The following PKP4 variants were observed in gnomAD, a reference collection of about 807,000 sequenced individuals.
The protein encoded by PKP4 is plakophilin-4.
Under a neutral mutation model 145.1 loss-of-function variants are expected in PKP4, and 90 were observed. That is an observed-to-expected ratio of 0.62 (90% CI 0.52 to 0.74). PKP4 has a LOEUF of 0.74. Among genes scored for constraint, PKP4 ranks in the 30% least tolerant of loss-of-function variants. PKP4 has a pLI of 0.00. For synonymous variants in PKP4, 563 were observed against 577.2 expected, an observed-to-expected ratio of 0.98 and a Z score of 0.35; for missense variants, 1,340 against 1,482.7, an observed-to-expected ratio of 0.90 and a Z score of 1.58.
intron 11 of PKP4, among the ~76,000 whole-genome samples, chr2:158,644,166 G>A (rs1574934480): frequency 6.6e-6 from 1 of 152,224 alleles, no homozygotes; most frequent in East Asian, 1.9e-4. Context: ...CGTTCTTCCA[G>A]CAGGCAGCAG....
intron 4 of PKP4, among the ~76,000 whole-genome samples, chr2:158,610,424 G>A (rs577617033): frequency 9.9e-5 from 15 of 152,164 alleles, no homozygotes; most frequent in African/African-American, 3.4e-4. Flanking sequence ...TAGAATAATA[G>A]GTAAAGGGTG....
At chr2:158,473,038 T>G (rs950167981) in intron 1 of PKP4, among the ~76,000 whole-genome samples, 4 of 152,078 alleles carry the variant, frequency 2.6e-5, no homozygotes, top group South Asian at 2.1e-4. Flanking sequence ...ATCCATGTGG[T>G]CAACAAGCAC....
rs114569168 is a variant in PKP4, at chr2:158,560,803, A to G, written c.133-16468A>G. Among the ~76,000 whole-genome samples the G allele has an allele frequency of 2.6e-3, 401 of 152,344 alleles. 1 individual carries two copies. Among genetic ancestry groups the G allele is most frequent in the Middle Eastern group, 0.01 (3 of 294 alleles). The stretch of plus-strand genomic sequence containing the variant: ...GGTTGTTACTCCCATTTTACAAGTG[A>G]TTAAACTGGGGTTTACAGATGTTTA... On this transcript the variant is annotated intron_variant, in intron 2 of 21. Coordinates refer to ENST00000389759, the MANE Select transcript of PKP4 (RefSeq NM_003628.6).
At chr2:158,640,874 A>T in intron 10 of PKP4, 115 bp downstream of exon 10, 1 of 1,065,646 alleles carries the variant, frequency 9.4e-7, no homozygotes, top group Non-Finnish European at 1.4e-6. Flanking sequence ...TTTTAAAGGG[A>T]TATTTTGATA....
intron 12 of PKP4, chr2:158,660,319 T>G (rs1251111558): frequency 6.6e-6 from 1 of 152,590 alleles, no homozygotes; most frequent in Non-Finnish European, 1.5e-5. Flanking sequence ...TATGGCCCTG[T>G]GTCCATAGGT....
intron 2 of PKP4, among the ~76,000 whole-genome samples, chr2:158,550,513 A>G (rs558279937): frequency 3.9e-5 from 6 of 152,318 alleles, no homozygotes; most frequent in African/African-American, 1.2e-4. Flanking sequence ...CCCAACAAGC[A>G]CTTTACCACC....
intron 2 of PKP4, among the ~76,000 whole-genome samples, chr2:158,574,997 A>G (rs1286256395): frequency 2.0e-5 from 3 of 152,262 alleles, no homozygotes; most frequent in Non-Finnish European, 4.4e-5. Flanking sequence ...TACAGAAACT[A>G]ACATGGCTAA....
intron 1 of PKP4, among the ~76,000 whole-genome samples, chr2:158,491,447 A>G (rs940684782): frequency 2.0e-5 from 3 of 152,066 alleles, no homozygotes; most frequent in Non-Finnish European, 4.4e-5. Context: ...TTCTCTGACT[A>G]CTTATGAACT....
intron 11 of PKP4, among the ~76,000 whole-genome samples, chr2:158,654,688 T>C (rs1169306245): frequency 2.0e-5 from 3 of 152,132 alleles, no homozygotes; most frequent in Non-Finnish European, 4.4e-5. Flanking sequence ...ACAAATTTTG[T>C]TAGAGATCCT....
intron 3 of PKP4, among the ~76,000 whole-genome samples, chr2:158,595,495 A>G (rs1442492060): frequency 1.3e-5 from 2 of 152,224 alleles, no homozygotes; most frequent in Non-Finnish European, 2.9e-5. Flanking sequence ...AAGCTAAAGC[A>G]AAGAATGCAT....
chr2:158,568,908 G>A (rs1273967042), intron 2 of PKP4, among the ~76,000 whole-genome samples: 1 of 152,158 alleles, frequency 6.6e-6, no homozygotes, highest in Admixed American at 6.5e-5. Flanking sequence ...CGGAGGCAGA[G>A]GTTGCAGTGA....
intron 1 of PKP4, among the ~76,000 whole-genome samples, chr2:158,501,857 G>A (rs902349930): frequency 6.6e-6 from 1 of 152,186 alleles, no homozygotes; most frequent in Admixed American, 6.5e-5. Flanking sequence ...GTTTAAGGCA[G>A]GTGGCCTTGA....
At chr2:158,633,747 A>C (rs1274321581) in intron 8 of PKP4, among the ~76,000 whole-genome samples, 1 of 152,240 alleles carries the variant, frequency 6.6e-6, no homozygotes, top group Non-Finnish European at 1.5e-5. Context: ...TGAAATTAAT[A>C]AATTTTGCTA....
chr2:158,465,412 TTGAAACAC>T (rs1690454684), intron 1 of PKP4, among the ~76,000 whole-genome samples: 1 of 152,228 alleles, frequency 6.6e-6, no homozygotes, highest in Non-Finnish European at 1.5e-5. Flanking sequence ...GCTGTATCTC[TTGAAACAC>T]TTTACCATAT....
At chr2:158,522,829 G>C (rs1445487431) in intron 1 of PKP4, among the ~76,000 whole-genome samples, 1 of 152,228 alleles carries the variant, frequency 6.6e-6, no homozygotes, top group South Asian at 2.1e-4. Flanking sequence ...GAAGCGCAAG[G>C]GGTCAGGGAG....
chr2:158,462,789 T>C (rs1422235061), intron 1 of PKP4, among the ~76,000 whole-genome samples: 1 of 152,222 alleles, frequency 6.6e-6, no homozygotes, highest in African/African-American at 2.4e-5. Context: ...GTATAATCTC[T>C]GTGGTCCTCG....
chr2:158,476,453 C>T (rs1213806109), intron 1 of PKP4, among the ~76,000 whole-genome samples: 1 of 152,110 alleles, frequency 6.6e-6, no homozygotes, highest in Non-Finnish European at 1.5e-5. Context: ...GTCTCAGCCT[C>T]CCAAGTAGCT....
intron 9 of PKP4, among the ~76,000 whole-genome samples, chr2:158,634,760 C>T (rs1236141423): frequency 6.6e-6 from 1 of 152,168 alleles, no homozygotes; most frequent in Non-Finnish European, 1.5e-5. Context: ...TGTTATTAAC[C>T]AGGTCCTTTG....
chr2:158,542,081 C>CT (rs2044571446), intron 2 of PKP4, among the ~76,000 whole-genome samples: 1 of 152,050 alleles, frequency 6.6e-6, no homozygotes, highest in South Asian at 2.1e-4. Context: ...AAAGTAAGCC[C>CT]TTTATGCCCA....
Sources: gnomAD v4.1 joint callset for allele counts (sites outside exome capture counted in the v4.1 genomes callset) on GRCh38, gnomAD v4.1.1 for gene constraint, MANE v1.5 for transcripts, NCBI Gene and HGNC (gene_info 2026-07-23, HGNC 2026-07-21) for gene names.